The following POPDC3 variants were observed in gnomAD, a reference collection of about 807,000 sequenced individuals.
The protein encoded by POPDC3 is popeye domain-containing protein 3.
A neutral mutation model predicts 28.2 loss-of-function variants in POPDC3; 20 were observed. That is an observed-to-expected ratio of 0.71 (90% CI 0.50 to 1.03). POPDC3 has a LOEUF of 1.03. POPDC3 is among the 50% of genes least tolerant of loss of function. The probability of loss-of-function intolerance (pLI) is 0.00; values close to 1 mark genes in which losing one functional copy is unlikely to be tolerated. For synonymous variants in POPDC3, 118 were observed against 124.1 expected, an observed-to-expected ratio of 0.95 and a Z score of 0.33; for missense variants, 316 against 345.9, an observed-to-expected ratio of 0.91 and a Z score of 0.69.
At chr6:105,165,888 C>G (rs1190290) in intron 1 of POPDC3, among the ~76,000 whole-genome samples, 102,652 of 152,170 alleles carry the variant, frequency 0.67, 40,605 homozygotes, top group East Asian at 0.87. Flanking sequence ...TTATCATTTT[C>G]TTAGTTTTTT....
chr6:105,171,635 C>T (rs1242025368), intron 1 of POPDC3, among the ~76,000 whole-genome samples: 1 of 151,862 alleles, frequency 6.6e-6, no homozygotes, highest in Non-Finnish European at 1.5e-5. Flanking sequence ...CACGCCACTG[C>T]ACTCCAGCCT....
Position 105,158,626 on chromosome 6 carries a change from T to G in POPDC3, c.720A>C (p.Ala240=). The change falls in exon 4 of 4, where the codon GCA becomes GCC. Residue 240 remains alanine, a synonymous_variant. Coordinates refer to ENST00000254765, the MANE Select transcript of POPDC3 (RefSeq NM_022361.5). ...TGTCATTCAAGGCATAGAGTTTATC[T>G]GCAATGTCACTGCCAATTAGCACTG... The part of the protein sequence containing the change: ...LFSVLIGSDI[A]DKLYALNDRV... The G allele has an allele frequency of 1.9e-6, 3 of 1,614,172 alleles. No individual in the cohort carries two copies. The highest frequency in any genetic ancestry group is 2.5e-6 in the Non-Finnish European group (3 of 1,180,026).
intron 1 of POPDC3, among the ~76,000 whole-genome samples, chr6:105,170,469 T>C (rs1463592490): frequency 6.6e-6 from 1 of 152,266 alleles, no homozygotes. Flanking sequence ...TCATGTATGA[T>C]AGTTAATTGG....
At chr6:105,179,232 G>A in intron 1 of POPDC3, 1 of 985,414 alleles carries the variant, frequency 1.0e-6, no homozygotes, top group Non-Finnish European at 1.2e-6. Context: ...CCCAAATGGA[G>A]AAAACAGGTC....
At chr6:105,172,738 G>C (rs1277737757) in intron 1 of POPDC3, among the ~76,000 whole-genome samples, 1 of 150,376 alleles carries the variant, frequency 6.6e-6, no homozygotes, top group African/African-American at 2.5e-5. Context: ...CCTTTGTAGG[G>C]ACATGGATGA....
At chr6:105,159,019 G>C (rs1276071410) in intron 3 of POPDC3, 2 of 308,586 alleles carry the variant, frequency 6.5e-6, no homozygotes, top group African/African-American at 4.3e-5. Flanking sequence ...TTATTGAAGG[G>C]AGAACTACTT....
At chr6:105,158,863 G>A in intron 3 of POPDC3, 112 bp from the exon 4 acceptor site, 1 of 957,186 alleles carries the variant, frequency 1.0e-6, no homozygotes, top group Non-Finnish European at 1.6e-6. Context: ...TTTTTAGGTT[G>A]AAAAAGCCCA....
chr6:105,178,743 C>G, intron 1 of POPDC3: 1 of 985,180 alleles, frequency 1.0e-6, no homozygotes, highest in Non-Finnish European at 1.2e-6. Context: ...GTTTGGTTTT[C>G]TATTGTCACA....
chr6:105,172,120 T>C (rs1185856837), intron 1 of POPDC3, among the ~76,000 whole-genome samples: 1 of 151,168 alleles, frequency 6.6e-6, no homozygotes, highest in Non-Finnish European at 1.5e-5. Context: ...AGAAAATTTT[T>C]GCAATCTACT....
chr6:105,177,924 C>T lies in POPDC3; in HGVS notation c.-252+1909G>A, dbSNP rs1467889969. Reference sequence around the variant, plus strand: ...TTTTATAGGTAATTTCAGTCAGGAACTTTCGGTTATTTATTTAATTTAGAA... The same window carrying T: ...TTTTATAGGTAATTTCAGTCAGGAATTTTCGGTTATTTATTTAATTTAGAA... On this transcript the variant is annotated intron_variant, in intron 1 of 3. Transcript: ENST00000254765. Among the ~76,000 whole-genome samples the T allele has an allele frequency of 2.6e-5, 4 of 152,192 alleles. No homozygotes were observed. The East Asian group carries it at 7.7e-4, about 29-fold the overall frequency.
At chr6:105,164,114 C>A (rs1361525779) in intron 1 of POPDC3, among the ~76,000 whole-genome samples, 1 of 152,200 alleles carries the variant, frequency 6.6e-6, no homozygotes, top group African/African-American at 2.4e-5. Context: ...TTAAATCAAT[C>A]AATTCTTCAG....
In POPDC3 at chr6:105,161,898, A is replaced by G. The variant is rs80020925; in HGVS notation, c.12T>C (p.Asn4=). 4.7e-3 allele frequency: 7,436 copies of G among 1,598,450 alleles called. 202 individuals carry two copies. The African/African-American group carries it at 0.065, about 14-fold the overall frequency. Reference sequence around the variant, plus strand: ...CTATTAGGTTCTTCCATAAACTTGAATTTCTTTCCATGGCTGTATTACTGC... The same window carrying G: ...CTATTAGGTTCTTCCATAAACTTGAGTTTCTTTCCATGGCTGTATTACTGC... MER[N]SSLWKNLIDE... The change falls in exon 2 of 4, where the codon AAT becomes AAC. Residue 4 remains asparagine (N), a synonymous_variant. Coordinates refer to ENST00000254765, the MANE Select transcript of POPDC3 (RefSeq NM_022361.5).
chr6:105,168,645 G>C (rs1774509665), intron 1 of POPDC3: 2 of 152,236 alleles, frequency 1.3e-5, no homozygotes, highest in South Asian at 4.1e-4. Context: ...CAGAACCTGT[G>C]AATGGAATGG....
At chr6:105,168,765 T>C (rs987792962) in intron 1 of POPDC3, 4 of 152,218 alleles carry the variant, frequency 2.6e-5, no homozygotes. Flanking sequence ...TGGAGAGAGA[T>C]TGGATGTCAG....
chr6:105,160,012 TC>T (rs1261167284), intron 2 of POPDC3, 193 bp from the exon 3 acceptor site: 1 of 423,526 alleles, frequency 2.4e-6, no homozygotes, highest in Non-Finnish European at 4.3e-6. Context: ...GTTATCATGT[TC>T]CTTATACAGT....
At chr6:105,169,669 G>C (rs1008657367) in intron 1 of POPDC3, 3 of 152,148 alleles carry the variant, frequency 2.0e-5, no homozygotes, top group Non-Finnish European at 4.4e-5. Flanking sequence ...GATGACTTCA[G>C]CATTGGGAAG....
At chr6:105,174,752 A>G (rs1174173177) in intron 1 of POPDC3, among the ~76,000 whole-genome samples, 1 of 152,240 alleles carries the variant, frequency 6.6e-6, no homozygotes, top group African/African-American at 2.4e-5. Flanking sequence ...CTTGGAAACA[A>G]ACAGACACAC....
intron 1 of POPDC3, chr6:105,163,725 T>C (rs1282968281): frequency 6.6e-6 from 1 of 152,142 alleles, no homozygotes; most frequent in African/African-American, 2.4e-5. Flanking sequence ...TCATCTTGGA[T>C]AGTGATTCTT....
In POPDC3 at chr6:105,166,561, T is replaced by C. The variant is rs41285462; in HGVS notation, c.-251-4401A>G. 791 of 471,306 alleles carry C rather than the reference T, an allele frequency of 1.7e-3. 1 individual carries two copies. The highest frequency in any genetic ancestry group is 2.8e-3 in the Non-Finnish European group (634 of 227,092). 29.2% of individuals were successfully genotyped at this position (471,306 alleles called of 1,614,324 possible). A position where few individuals can be genotyped will look rare whatever the true frequency, so the allele number is the denominator to read the frequency against. On this transcript the variant is annotated intron_variant, in intron 1 of 3. Transcript: ENST00000254765. ...TTTTAAAGAGCCAGAAAGGTACATT[T>C]CCTCTTCATGTGTTCTCACTTCCAT... is the stretch of plus-strand genomic sequence containing the variant.
Sources: gnomAD v4.1 joint callset for allele counts (sites outside exome capture counted in the v4.1 genomes callset) on GRCh38, gnomAD v4.1.1 for gene constraint, MANE v1.5 for transcripts, NCBI Gene and HGNC (gene_info 2026-07-23, HGNC 2026-07-21) for gene names.